ZFP91: variants seen among roughly 807,000 people sequenced by gnomAD.
ZFP91 encodes the protein ZFP91 zinc finger protein, atypical E3 ubiquitin ligase.
ZFP91 carries 7 observed loss-of-function variants against 63.5 expected under a neutral mutation model. The observed-to-expected ratio is 0.11, with a 90% CI of 0.06 to 0.21. ZFP91 has a LOEUF of 0.21. Among genes scored for constraint, ZFP91 ranks in the 10% least tolerant of loss-of-function variants. ZFP91 has a pLI of 1.00. For synonymous variants in ZFP91, 330 were observed against 272.1 expected (o/e 1.21, Z -2.10); for missense variants, 628 against 736.6 (o/e 0.85, Z 1.71).
chr11:58,595,648 A>G (rs1855385701), intron 2 of ZFP91, among the ~76,000 whole-genome samples: 1 of 150,708 alleles, frequency 6.6e-6, no homozygotes, highest in Non-Finnish European at 1.5e-5. Flanking sequence ...TGCGATCTCA[A>G]CTCACTGCAA....
At chr11:58,608,608 G>T (rs920397872) in intron 2 of ZFP91, among the ~76,000 whole-genome samples, 3 of 151,932 alleles carry the variant, frequency 2.0e-5, no homozygotes, top group Non-Finnish European at 2.9e-5. Context: ...TTTGTTTTTT[G>T]TTTTTTCTTT....
chr11:58,604,480 A>G (rs1371856652), intron 2 of ZFP91, among the ~76,000 whole-genome samples: 1 of 152,132 alleles, frequency 6.6e-6, no homozygotes, highest in Non-Finnish European at 1.5e-5. Flanking sequence ...GGGAGAATAG[A>G]TTTCTGTTGT....
chr11:58,617,415 T>C lies in ZFP91; in HGVS notation c.1422T>C (p.Asp474=). 1 of 1,613,732 alleles carries C rather than the reference T, an allele frequency of 6.2e-7. No individual in the cohort carries two copies. Among genetic ancestry groups the C allele is most frequent in the South Asian group, 1.1e-5 (1 of 91,012 alleles). The stretch of plus-strand genomic sequence containing the variant: ...CAGGCGCCCTCATCACCAGCACAGA[T>C]ATCTTGGGCACTAACCCAGAGTCCC... ...ANAGALITST[D]ILGTNPESLT... The change falls in exon 11 of 11, where the codon GAT becomes GAC. Residue 474 remains aspartate (D), a synonymous_variant. Transcript: ENST00000316059. The surrounding 1 kb of genome is among the most constrained non-coding windows in gnomAD (Gnocchi z 4.2).
Position 58,579,394 on chromosome 11 carries a change from C to G in ZFP91, c.113C>G (p.Ala38Gly). Reference sequence around the variant, plus strand: ...CAACAACGGCCCCCTGAGGCGGTCGCGGCGGCGCCTGCAGGGACCACTAGC... The same window carrying G: ...CAACAACGGCCCCCTGAGGCGGTCGGGGCGGCGCCTGCAGGGACCACTAGC... ...EPQQRPPEAV[A>G]AAPAGTTSSR... Residue 38 changes from alanine to glycine, a missense_variant, in exon 1 of 11, where the codon GCG becomes GGG. This residue lies in a region of ZFP91 where 437 missense variants were observed against 380.3 expected (regional missense o/e 1.15). Coordinates refer to ENST00000316059, the MANE Select transcript of ZFP91 (RefSeq NM_053023.5). The G allele has an allele frequency of 6.8e-7, 1 of 1,472,332 alleles. No homozygotes were observed. Among genetic ancestry groups the G allele is most frequent in the Non-Finnish European group, 8.9e-7 (1 of 1,117,978 alleles). The allele number at this position is 1,472,332 out of a possible 1,614,324, so 91.2% of individuals were successfully genotyped here. A position where few individuals can be genotyped will look rare whatever the true frequency, so the allele number is the denominator to read the frequency against.
At chr11:58,602,903 T>C (rs939124536) in intron 2 of ZFP91, among the ~76,000 whole-genome samples, 16 of 151,962 alleles carry the variant, frequency 1.1e-4, no homozygotes, top group Admixed American at 9.8e-4. Flanking sequence ...TGCTTGAACC[T>C]AGGAGGCGAT....
intron 1 of ZFP91, among the ~76,000 whole-genome samples, chr11:58,583,318 G>A (rs1209491888): frequency 6.6e-6 from 1 of 152,046 alleles, no homozygotes; most frequent in African/African-American, 2.4e-5. Context: ...CTAATACTGA[G>A]TATTTTTAGA....
At chr11:58,616,891 A>C in intron 10 of ZFP91, 76 bp downstream of exon 10, 3 of 1,362,978 alleles carry the variant, frequency 2.2e-6, no homozygotes, top group Non-Finnish European at 3.1e-6. Flanking sequence ...CTTTACAAAC[A>C]TATTAGTTGC....
intron 2 of ZFP91, among the ~76,000 whole-genome samples, chr11:58,597,866 CT>C (rs1855428165): frequency 6.6e-6 from 1 of 152,142 alleles, no homozygotes; most frequent in South Asian, 2.1e-4. Context: ...AATACCGTGA[CT>C]TTTCTCTGCT....
chr11:58,584,701 G>C (rs1161399573), intron 1 of ZFP91, among the ~76,000 whole-genome samples, 155 bp from the exon 2 acceptor site: 1 of 152,130 alleles, frequency 6.6e-6, no homozygotes, highest in Non-Finnish European at 1.5e-5. Flanking sequence ...ATATTGGACA[G>C]TGCAGATATG....
Position 58,609,930 on chromosome 11 carries a change from A to G in ZFP91, c.471A>G (p.Thr157=). 10 of 1,614,186 alleles carry G rather than the reference A, an allele frequency of 6.2e-6. No individual in the cohort carries two copies. The highest frequency in any genetic ancestry group is 3.3e-5 in the South Asian group (3 of 91,084). Residue 157 remains threonine, a synonymous_variant, in exon 3 of 11, where the codon ACA becomes ACG. Coordinates refer to ENST00000316059, the MANE Select transcript of ZFP91 (RefSeq NM_053023.5). ...GCCGGGGCTGGCGTAGTAGTAGGAC[A>G]TCTGTTTCTCGCCATCGTGATACAG... ...RPSRGWRSSR[T]SVSRHRDTEN... is the part of the protein sequence containing the mutation.
chr11:58,579,429 C>A lies in ZFP91; in HGVS notation c.148C>A (p.Leu50Met). The A allele has an allele frequency of 6.9e-7, 1 of 1,445,818 alleles. No homozygotes were observed. The highest frequency in any genetic ancestry group is 2.9e-5 in the Admixed American group (1 of 34,748). The allele number at this position is 1,445,818 out of a possible 1,614,324, so 89.6% of individuals were successfully genotyped here. ...APAGTTSSRVLRGGRDRGRAA... is the reference protein window; with the variant it reads ...APAGTTSSRVMRGGRDRGRAA... ...TGCAGGGACCACTAGCAGCCGCGTG[C>A]TGAGGGGAGGTCGGGACCGAGGCCG... The change falls in exon 1 of 11, where the codon CTG becomes ATG. Residue 50 changes from leucine to methionine, a missense_variant. Leu to Met is a conservative substitution (Grantham distance 15). Coordinates refer to ENST00000316059, the MANE Select transcript of ZFP91 (RefSeq NM_053023.5).
At chr11:58,612,679 A>G in intron 7 of ZFP91, 83 bp from the exon 8 acceptor site, 3 of 1,027,940 alleles carry the variant, frequency 2.9e-6, no homozygotes, top group Middle Eastern at 2.5e-4. Flanking sequence ...GCTATTCCCA[A>G]TAGCACAGTT....
Position 58,617,897 on chromosome 11 carries a change from C to G in ZFP91, c.*191C>G. The G allele has an allele frequency of 1.5e-6, 1 of 678,398 alleles. No homozygotes were observed. Among genetic ancestry groups the G allele is most frequent in the East Asian group, 3.5e-5 (1 of 28,968 alleles). The allele number at this position is 678,398 out of a possible 1,614,324, so 42.0% of individuals were successfully genotyped here. ...TCCCCTGTTCTCCCTCTGTTGCTCC[C>G]CTTATAAAATTGATGTTGTCTTTAC... On this transcript the variant is annotated 3_prime_UTR_variant, in exon 11 of 11. Transcript: ENST00000316059. The surrounding 1 kb of genome is among the most constrained non-coding windows in gnomAD (Gnocchi z 4.2).
At chr11:58,579,653 G>A in intron 1 of ZFP91, 31 bp downstream of exon 1, 1 of 1,520,442 alleles carries the variant, frequency 6.6e-7, no homozygotes, top group Admixed American at 2.2e-5. Context: ...CGGTGGGAAA[G>A]ACCCCCCTCT....
intron 2 of ZFP91, among the ~76,000 whole-genome samples, chr11:58,609,045 A>G (rs1332010337): frequency 6.6e-6 from 1 of 152,132 alleles, no homozygotes; most frequent in African/African-American, 2.4e-5. Context: ...TTATTAAAGA[A>G]TCTTCTATTG....
chr11:58,598,346 G>A (rs1855437469), intron 2 of ZFP91, among the ~76,000 whole-genome samples: 1 of 152,062 alleles, frequency 6.6e-6, no homozygotes, highest in East Asian at 1.9e-4. Flanking sequence ...AGGCTACACA[G>A]TTTGTCTGCA....
chr11:58,606,677 T>A (rs1385699952), intron 2 of ZFP91, among the ~76,000 whole-genome samples: 1 of 152,128 alleles, frequency 6.6e-6, no homozygotes. Context: ...GCCATCTTTA[T>A]GTCCATGAGT....
At chr11:58,581,745 C>A (rs867452138) in intron 1 of ZFP91, among the ~76,000 whole-genome samples, 1 of 152,230 alleles carries the variant, frequency 6.6e-6, no homozygotes, top group Non-Finnish European at 1.5e-5. Context: ...TTTGCCCTAA[C>A]TCTTGGCAAC....
At chr11:58,613,706 G>GATT (rs376630547) in intron 8 of ZFP91, among the ~76,000 whole-genome samples, 2 of 152,064 alleles carry the variant, frequency 1.3e-5, no homozygotes, top group Non-Finnish European at 2.9e-5. Flanking sequence ...TTCTTGAGTA[G>GATT]ATTATTATTA....
Sources: allele counts gnomAD v4.1 joint callset (sites outside exome capture counted in the v4.1 genomes callset), GRCh38; gene constraint gnomAD v4.1.1; regional missense constraint gnomAD v4.1.1; non-coding constraint Gnocchi (gnomAD v3.1); transcripts MANE v1.5; gene names NCBI Gene and HGNC (gene_info 2026-07-23, HGNC 2026-07-21).